Variants in FMNL2 observed in about 807,000 individuals in gnomAD.
FMNL2 encodes the protein formin-like protein 2.
A neutral mutation model predicts 130.2 loss-of-function variants in FMNL2; 51 were observed. The observed-to-expected ratio is 0.39, with a 90% CI of 0.31 to 0.49. The LOEUF (loss-of-function observed/expected upper bound fraction) is 0.49, where lower values mean the gene tolerates loss of function less well. FMNL2 is among the 20% of genes least tolerant of loss of function. The pLI, the probability that FMNL2 is intolerant of heterozygous loss-of-function variation, is 0.85. For synonymous variants in FMNL2, 465 were observed against 467.1 expected (o/e 1.00, Z 0.06); for missense variants, 977 against 1,316.2 (o/e 0.74, Z 3.99).
chr2:152,355,309 A>G (rs889146274), intron 1 of FMNL2, among the ~76,000 whole-genome samples: 1 of 152,246 alleles, frequency 6.6e-6, no homozygotes, highest in Non-Finnish European at 1.5e-5. Context: ...TGGGAGTTAG[A>G]TGATATCTTT....
chr2:152,610,396 C>T (rs1253965097), intron 10 of FMNL2, among the ~76,000 whole-genome samples: 1 of 152,136 alleles, frequency 6.6e-6, no homozygotes, highest in African/African-American at 2.4e-5. Flanking sequence ...ATCCTTACCA[C>T]AATTTAGGAC....
Position 152,490,270 on chromosome 2 carries a change from G to C in FMNL2, c.118-31673G>C, listed in dbSNP as rs150116803. Among the ~76,000 whole-genome samples the C allele has an allele frequency of 9.2e-5, 14 of 151,822 alleles. No homozygotes were observed. The East Asian group carries it at 2.1e-3, about 23-fold the overall frequency. On this transcript the variant is annotated intron_variant, in intron 1 of 25. Coordinates refer to ENST00000288670, the MANE Select transcript of FMNL2 (RefSeq NM_052905.4). ...AGTTTACAATAAATAAGGTGTGAGAGTGGTTGGGGGGAGTGGGAGAGGTTT... is the reference window on the plus strand; with the variant it reads ...AGTTTACAATAAATAAGGTGTGAGACTGGTTGGGGGGAGTGGGAGAGGTTT...
intron 1 of FMNL2, among the ~76,000 whole-genome samples, chr2:152,356,816 G>A (rs1682821401): frequency 6.6e-6 from 1 of 151,234 alleles, no homozygotes; most frequent in Non-Finnish European, 1.5e-5. Context: ...TGTTAACTAA[G>A]TGCAGGAAGG....
In FMNL2 at chr2:152,647,946, G is replaced by C. The variant is rs1683761595; in HGVS notation, c.*41G>C. The C allele has an allele frequency of 6.7e-7, 1 of 1,489,872 alleles. No individual in the cohort carries two copies. Among genetic ancestry groups the C allele is most frequent in the Non-Finnish European group, 9.2e-7 (1 of 1,089,726 alleles). 92.3% of individuals were successfully genotyped at this position (1,489,872 alleles called of 1,614,324 possible). Reference sequence around the variant, plus strand: ...GCATGAATACAGGGTGTGCGTGAATGAAACTGCCCACATGAACTTTATGTG... The same window carrying C: ...GCATGAATACAGGGTGTGCGTGAATCAAACTGCCCACATGAACTTTATGTG... On this transcript the variant is annotated 3_prime_UTR_variant, in exon 26 of 26. Coordinates refer to ENST00000288670, the MANE Select transcript of FMNL2 (RefSeq NM_052905.4).
At chr2:152,430,325 A>T (rs968676986) in intron 1 of FMNL2, among the ~76,000 whole-genome samples, 1 of 152,302 alleles carries the variant, frequency 6.6e-6, no homozygotes, top group East Asian at 1.9e-4. Context: ...TGGGTTGCCA[A>T]CGTGCCCTTG....
At chr2:152,608,801 T>C (rs947839374) in intron 10 of FMNL2, among the ~76,000 whole-genome samples, 1 of 152,150 alleles carries the variant, frequency 6.6e-6, no homozygotes, top group Non-Finnish European at 1.5e-5. Context: ...CTGTAGGCTT[T>C]CATGCTAAAG....
At chr2:152,629,951 G>T in intron 20 of FMNL2, 46 bp downstream of exon 20, 1 of 1,532,988 alleles carries the variant, frequency 6.5e-7, no homozygotes, top group Admixed American at 1.9e-5. Flanking sequence ...AGGACAGATG[G>T]CTGGCAGAGA....
intron 1 of FMNL2, among the ~76,000 whole-genome samples, chr2:152,510,410 T>C (rs1022178798): frequency 2.6e-5 from 4 of 152,168 alleles, no homozygotes; most frequent in Admixed American, 2.0e-4. Flanking sequence ...TAAAATAGAA[T>C]GTGATTGGTG....
chr2:152,629,446 T>A (rs1289040842), intron 18 of FMNL2, among the ~76,000 whole-genome samples: 1 of 152,176 alleles, frequency 6.6e-6, no homozygotes, highest in Non-Finnish European at 1.5e-5. Flanking sequence ...TTGTGAACAG[T>A]TTCAGTAAAG....
At chr2:152,420,075 C>T (rs936555318) in intron 1 of FMNL2, among the ~76,000 whole-genome samples, 2 of 152,042 alleles carry the variant, frequency 1.3e-5, no homozygotes, top group East Asian at 1.9e-4. Flanking sequence ...TGCTAAAAGC[C>T]GAGTTTTACC....
In FMNL2 at chr2:152,514,745, A is replaced by T. The variant is rs146164210; in HGVS notation, c.118-7198A>T. On this transcript the variant is annotated intron_variant, in intron 1 of 25. Transcript: ENST00000288670. ...TAACAATATACTATAATAAAAGTTT[A>T]TGTGAATGTGTTCTCTCTCTCTCTC... Among the ~76,000 whole-genome samples, 787 of 152,348 alleles carry T rather than the reference A, an allele frequency of 5.2e-3. 10 individuals are homozygous for T. Among genetic ancestry groups the T allele is most frequent in the African/African-American group, 0.018 (740 of 41,588 alleles).
At chr2:152,440,054 G>T (rs372035753) in intron 1 of FMNL2, among the ~76,000 whole-genome samples, 7 of 151,898 alleles carry the variant, frequency 4.6e-5, no homozygotes, top group African/African-American at 1.7e-4. Context: ...AGAAGTGGAC[G>T]TGAAACCCCT....
In FMNL2 at chr2:152,490,990, A is replaced by T. The variant is rs77596917; in HGVS notation, c.118-30953A>T. On this transcript the variant is annotated intron_variant, in intron 1 of 25. Transcript: ENST00000288670. ...CCTTGGATAATGCTGCTGTCTATTA[A>T]GCCCTCTGTGTCCTACTCCCTCGCC... Among the ~76,000 whole-genome samples, 365 of 152,246 alleles carry T rather than the reference A, an allele frequency of 2.4e-3. 10 individuals carry two copies. In the East Asian group the frequency reaches 0.062, roughly 26 times the overall value.
At chr2:152,644,941 G>A (rs1423641106) in intron 25 of FMNL2, among the ~76,000 whole-genome samples, 1 of 152,136 alleles carries the variant, frequency 6.6e-6, no homozygotes, top group Non-Finnish European at 1.5e-5. Context: ...AAGAGACAAG[G>A]GAAACACATA....
chr2:152,619,725 G>A lies in FMNL2; in HGVS notation c.1837+7G>A, dbSNP rs376430611. On this transcript the variant is annotated splice_region_variant and intron_variant, in intron 15 of 25. Coordinates refer to ENST00000288670, the MANE Select transcript of FMNL2 (RefSeq NM_052905.4). ...TTCAACTCAGGATTAGCAGGTAAGA[G>A]CACAGAATTCAAACCCAGGTACTCA... is the stretch of plus-strand genomic sequence containing the variant. 6.2e-7 allele frequency: 1 copy of A among 1,607,628 alleles called. No individual in the cohort carries two copies. The highest frequency in any genetic ancestry group is 8.5e-7 in the Non-Finnish European group (1 of 1,177,340).
intron 1 of FMNL2, among the ~76,000 whole-genome samples, chr2:152,512,657 TA>T (rs961142836): frequency 3.4e-4 from 52 of 152,360 alleles, no homozygotes; most frequent in African/African-American, 1.2e-3. Flanking sequence ...GTGACTACTT[TA>T]AAACAGTAGA....
chr2:152,396,738 A>T (rs1028928667), intron 1 of FMNL2, among the ~76,000 whole-genome samples: 2 of 152,198 alleles, frequency 1.3e-5, no homozygotes, highest in Non-Finnish European at 2.9e-5. Context: ...ATTAAGTGGG[A>T]AATTACTTTT....
intron 1 of FMNL2, among the ~76,000 whole-genome samples, chr2:152,441,882 A>T (rs1336068112): frequency 6.6e-6 from 1 of 152,042 alleles, no homozygotes; most frequent in Non-Finnish European, 1.5e-5. Context: ...GTTAAAATAG[A>T]TGAGAACTGC....
At chr2:152,363,236 C>T (rs557390235) in intron 1 of FMNL2, among the ~76,000 whole-genome samples, 1 of 152,262 alleles carries the variant, frequency 6.6e-6, no homozygotes, top group East Asian at 1.9e-4. Flanking sequence ...AAAATAATCC[C>T]CAAATAATCA....
Sources: allele counts gnomAD v4.1 joint callset (sites outside exome capture counted in the v4.1 genomes callset), GRCh38; gene constraint gnomAD v4.1.1; transcripts MANE v1.5; gene names NCBI Gene and HGNC (gene_info 2026-07-23, HGNC 2026-07-21).